Variants in RASSF9 observed in about 807,000 individuals in gnomAD.
RASSF9 encodes the protein Ras association domain family member 9.
In RASSF9, 18 loss-of-function variants were observed where a neutral mutation model predicts 21.4. The observed-to-expected ratio is 0.84, with a 90% CI of 0.58 to 1.25. The LOEUF (loss-of-function observed/expected upper bound fraction) is 1.25, where lower values mean the gene tolerates loss of function less well. RASSF9 is among the 50% of genes most tolerant of loss of function. The probability of loss-of-function intolerance (pLI) is 0.00; values close to 1 mark genes in which losing one functional copy is unlikely to be tolerated. For synonymous variants in RASSF9, 183 were observed against 179.1 expected (o/e 1.02, Z -0.18); for missense variants, 480 against 503.2 (o/e 0.95, Z 0.44).
chr12:85,826,033 A>G (rs142258256), intron 1 of RASSF9, among the ~76,000 whole-genome samples: 1 of 152,262 alleles, frequency 6.6e-6, no homozygotes, highest in East Asian at 1.9e-4. Context: ...TCAGCCCCAT[A>G]TGGTTGTCAG....
chr12:85,836,134 TACTC>T lies in RASSF9; in HGVS notation c.47+17_47+20del, dbSNP rs1228952602. 1.2e-5 allele frequency: 18 copies of T among 1,551,102 alleles called. No homozygotes were observed. The highest frequency in any genetic ancestry group is 6.0e-5 in the South Asian group (5 of 84,030). ...ACACACACAGAGACACACACACACT[TACTC>T]ACACGCTTGACTTTACCTGTTTTTA... On this transcript the variant is annotated intron_variant, in intron 1 of 1. Transcript: ENST00000361228.
At chr12:85,824,557 T>A (rs369250241) in intron 1 of RASSF9, among the ~76,000 whole-genome samples, 3 of 152,170 alleles carry the variant, frequency 2.0e-5, no homozygotes, top group Non-Finnish European at 4.4e-5. Flanking sequence ...TTTTTTAAAT[T>A]TTTTTATTGA....
Position 85,805,895 on chromosome 12 carries a change from G to T in RASSF9, c.115C>A (p.Leu39Ile), listed in dbSNP as rs1135367. ...IVVWVCQEEKLVCGLTKRTTS... is the reference protein window; with the variant it reads ...IVVWVCQEEKIVCGLTKRTTS... ...GTGCGTTTAGTCAGCCCACAGACAA[G>T]CTTCTCTTCTTGGCAAACCCAAACC... Residue 39 changes from leucine to isoleucine, a missense_variant, in exon 2 of 2, where the codon CTT (leucine) becomes ATT (isoleucine). By Grantham distance (5) the Leu-to-Ile change is conservative (BLOSUM62 2). Coordinates refer to ENST00000361228, the MANE Select transcript of RASSF9 (RefSeq NM_005447.4). 1.2e-6 allele frequency: 2 copies of T among 1,613,798 alleles called. No individual in the cohort carries two copies. Among genetic ancestry groups the T allele is most frequent in the Non-Finnish European group, 1.7e-6 (2 of 1,179,858 alleles).
intron 1 of RASSF9, among the ~76,000 whole-genome samples, chr12:85,822,596 G>T (rs1357108617): frequency 6.6e-6 from 1 of 152,126 alleles, no homozygotes; most frequent in East Asian, 1.9e-4. Context: ...ATTGATAAGA[G>T]AAAAATACTA....
intron 1 of RASSF9, among the ~76,000 whole-genome samples, chr12:85,830,159 C>T (rs1396010674): frequency 6.6e-6 from 1 of 152,128 alleles, no homozygotes; most frequent in Non-Finnish European, 1.5e-5. Context: ...ACCCACCCAA[C>T]TTCACTCATA....
At chr12:85,817,285 G>A (rs1381057486) in intron 1 of RASSF9, among the ~76,000 whole-genome samples, 1 of 151,982 alleles carries the variant, frequency 6.6e-6, no homozygotes, top group African/African-American at 2.4e-5. Context: ...CAAATACAAT[G>A]TCACAGCCAT....
intron 1 of RASSF9, 58 bp downstream of exon 1, chr12:85,836,097 C>A: frequency 6.5e-7 from 1 of 1,549,622 alleles, no homozygotes; most frequent in South Asian, 1.2e-5. Flanking sequence ...AGAGTACACA[C>A]ACAAGACACA....
intron 1 of RASSF9, among the ~76,000 whole-genome samples, chr12:85,828,904 A>G (rs951699973): frequency 6.6e-6 from 1 of 152,136 alleles, no homozygotes; most frequent in African/African-American, 2.4e-5. Flanking sequence ...TACCCCATAA[A>G]AAGGTCCATG....
At chr12:85,816,327 A>G (rs1380449465) in intron 1 of RASSF9, among the ~76,000 whole-genome samples, 1 of 151,944 alleles carries the variant, frequency 6.6e-6, no homozygotes, top group Non-Finnish European at 1.5e-5. Context: ...AAAAAAAGCA[A>G]TGGTTACTAA....
At chr12:85,825,303 TAA>T (rs778049869) in intron 1 of RASSF9, among the ~76,000 whole-genome samples, 1 of 152,210 alleles carries the variant, frequency 6.6e-6, no homozygotes, top group Non-Finnish European at 1.5e-5. Context: ...AGTCCTGGGC[TAA>T]GTCTCACTTT....
intron 1 of RASSF9, among the ~76,000 whole-genome samples, chr12:85,834,741 A>G (rs891034936): frequency 6.6e-6 from 1 of 152,186 alleles, no homozygotes; most frequent in Non-Finnish European, 1.5e-5. Flanking sequence ...CCAAAATAAT[A>G]CTACAAAAAT....
At chr12:85,818,135 G>A (rs1246398954) in intron 1 of RASSF9, among the ~76,000 whole-genome samples, 1 of 152,188 alleles carries the variant, frequency 6.6e-6, no homozygotes, top group Non-Finnish European at 1.5e-5. Context: ...CTAAAGAACA[G>A]TTGAGGATAG....
intron 1 of RASSF9, among the ~76,000 whole-genome samples, chr12:85,830,253 T>C (rs1355848221): frequency 6.6e-6 from 1 of 152,066 alleles, no homozygotes; most frequent in East Asian, 1.9e-4. Context: ...TCTTGATTTG[T>C]TTTTCTACCA....
At chr12:85,811,800 T>G (rs1483782754) in intron 1 of RASSF9, among the ~76,000 whole-genome samples, 1 of 151,752 alleles carries the variant, frequency 6.6e-6, no homozygotes, top group Non-Finnish European at 1.5e-5. Flanking sequence ...ACAAGGTAAT[T>G]CACCAGATGT....
chr12:85,827,428 C>T (rs61930076), intron 1 of RASSF9, among the ~76,000 whole-genome samples: 8,460 of 152,202 alleles, frequency 0.056, 314 homozygotes, highest in Non-Finnish European at 0.079. Context: ...TTTCACTCCT[C>T]GTCCTAGTAC....
rs772448453 is a variant in RASSF9, at chr12:85,836,187, T to C, written c.15A>G (p.Gly5=). The C allele has an allele frequency of 6.5e-7, 1 of 1,543,110 alleles. No homozygotes were observed. Among genetic ancestry groups the C allele is most frequent in the South Asian group, 1.2e-5 (1 of 83,884 alleles). Residue 5 remains glycine (G), a synonymous_variant, in exon 1 of 2, where the codon GGA becomes GGG. Transcript: ENST00000361228. ...TATGCCGAGTCTTTAGCAAGTTTCT[T>C]CCAAAGGGAGCCATGGTCTGTCGGG... is the stretch of plus-strand genomic sequence containing the variant. MAPF[G]RNLLKTRHKN...
intron 1 of RASSF9, among the ~76,000 whole-genome samples, chr12:85,830,093 G>A (rs146564578): frequency 2.0e-5 from 3 of 152,202 alleles, no homozygotes; most frequent in Non-Finnish European, 4.4e-5. Flanking sequence ...TATCTCAAAT[G>A]AGTAGGAGAT....
In RASSF9 at chr12:85,805,075, C is replaced by T. The variant is rs1879789305; in HGVS notation, c.935G>A (p.Ser312Asn). The stretch of plus-strand genomic sequence containing the variant: ...ACACTTAACACTCTCTAAATTAGAG[C>T]TTTCCAGTTCACTTGCAGCTTCCCC... ...AEGEAASELE[S>N]SNLESVKCDL... is the part of the protein sequence containing the mutation. Residue 312 changes from serine to asparagine, a missense_variant, in exon 2 of 2, where the codon AGC (serine) becomes AAC (asparagine). Physicochemically the swap from Ser to Asn is conservative, Grantham distance 46. Coordinates refer to ENST00000361228, the MANE Select transcript of RASSF9 (RefSeq NM_005447.4). 3 of 1,613,874 alleles carry T rather than the reference C, an allele frequency of 1.9e-6. No homozygotes were observed. The highest frequency in any genetic ancestry group is 1.3e-5 in the African/African-American group (1 of 74,932).
chr12:85,818,662 A>G (rs1880132499), intron 1 of RASSF9, among the ~76,000 whole-genome samples: 3 of 152,198 alleles, frequency 2.0e-5, no homozygotes, highest in Admixed American at 6.5e-5. Flanking sequence ...AGCAGTTTAA[A>G]AGGGAACTAT....
Sources: allele counts gnomAD v4.1 joint callset (sites outside exome capture counted in the v4.1 genomes callset), GRCh38; gene constraint gnomAD v4.1.1; transcripts MANE v1.5; gene names NCBI Gene and HGNC (gene_info 2026-07-23, HGNC 2026-07-21).